Variants in RPA4 observed in about 807,000 individuals in gnomAD.
The protein encoded by RPA4 is replication protein A 30 kDa subunit.
For missense variants in RPA4, 229 were observed against 215.5 expected (o/e 1.06, Z -0.39); for synonymous variants, 88 against 84.4 (o/e 1.04, Z -0.23).
Position 96,884,069 on chromosome X carries a change from G to C in RPA4, c.-242G>C, listed in dbSNP as rs946299361. The C allele has an allele frequency of 2.8e-6, 1 of 355,105 alleles. No individual in the cohort carries two copies. Among genetic ancestry groups the C allele is most frequent in the Non-Finnish European group, 4.9e-6 (1 of 204,622 alleles). 29.3% of individuals were successfully genotyped at this position (355,105 alleles called of 1,213,427 possible). On this transcript the variant is annotated 5_prime_UTR_variant, in exon 1 of 1. Transcript: ENST00000373040. ...ACTGACACACAGGGAAGGATTATGCGATCAGGTGAGAAGGTGGCCGACCCT... is the reference window on the plus strand; with the variant it reads ...ACTGACACACAGGGAAGGATTATGCCATCAGGTGAGAAGGTGGCCGACCCT...
rs1051984229 is a variant in RPA4, at chrX:96,884,646, A to G, written c.336A>G (p.Lys112=). ...CCCGACAGTGGTTTGGTAGAGAGAA[A>G]GTCAAGCAGGTGACTCCATTGTCAG... The part of the protein sequence containing the change: ...IEARQWFGRE[K]VKQVTPLSVG... Residue 112 remains lysine (K), a synonymous_variant, in exon 1 of 1, where the codon AAA becomes AAG. Transcript: ENST00000373040. 1 of 1,210,703 alleles carries G rather than the reference A, an allele frequency of 8.3e-7. No homozygotes were observed. The highest frequency in any genetic ancestry group is 1.1e-6 in the Non-Finnish European group (1 of 895,084).
chrX:96,884,562 G>T lies in RPA4; in HGVS notation c.252G>T (p.Glu84Asp). The part of the protein sequence containing the change: ...VSIVGVIRGA[E>D]KASNHICYKI... The stretch of plus-strand genomic sequence containing the variant: ...TCGTGGGGGTAATCAGAGGGGCAGA[G>T]AAGGCTTCAAATCACATTTGTTACA... The change falls in exon 1 of 1, where the codon GAG becomes GAT. Residue 84 changes from glutamate to aspartate, a missense_variant. By Grantham distance (45) the Glu-to-Asp change is conservative. Transcript: ENST00000373040. 8.3e-7 allele frequency: 1 copy of T among 1,211,104 alleles called. No homozygotes were observed. Among genetic ancestry groups the T allele is most frequent in the Non-Finnish European group, 1.1e-6 (1 of 895,401 alleles).
In RPA4 at chrX:96,885,086, C is replaced by G; in HGVS notation, c.776C>G (p.Ser259Cys). The change falls in exon 1 of 1, where the codon TCT becomes TGT. Residue 259 changes from serine to cysteine, a missense_variant. Transcript: ENST00000373040. ...YPTVDREHFK[S>C]AD Reference sequence around the variant, plus strand: ...ACTGTGGATCGGGAGCATTTTAAGTCTGCTGATTGAGGCAGGGAAAACATC... The same window carrying G: ...ACTGTGGATCGGGAGCATTTTAAGTGTGCTGATTGAGGCAGGGAAAACATC... 8.3e-7 allele frequency: 1 copy of G among 1,204,361 alleles called. No individual in the cohort carries two copies. Among genetic ancestry groups the G allele is most frequent in the Non-Finnish European group, 1.1e-6 (1 of 890,278 alleles).
In RPA4 at chrX:96,884,824, C is replaced by T. The variant is rs938173282; in HGVS notation, c.514C>T (p.Arg172Cys). ...VNAHMMLDKA[R>C]RDTTVESVPV... is the part of the protein sequence containing the mutation. ...TGCACACATGATGCTGGATAAAGCC[C>T]GTCGTGATACCACTGTAGAAAGTGT... is the stretch of plus-strand genomic sequence containing the variant. The change falls in exon 1 of 1, where the codon CGT becomes TGT. Residue 172 changes from arginine to cysteine, a missense_variant. Coordinates refer to ENST00000373040, the MANE Select transcript of RPA4 (RefSeq NM_013347.4). 1.7e-6 allele frequency: 2 copies of T among 1,208,824 alleles called. No homozygotes were observed. The highest frequency in any genetic ancestry group is 3.0e-5 in the East Asian group (1 of 33,710).
At position 96,885,220 on chromosome X, in the gene RPA4, TC is replaced by T; in HGVS notation, c.*125del. ...ATCTCAAGTGGCATTCTTTGTCAACTCGCTGCTTTTCTAACTGCTTTGAACT... is the reference window on the plus strand; with the variant it reads ...ATCTCAAGTGGCATTCTTTGTCAACTGCTGCTTTTCTAACTGCTTTGAACT... On this transcript the variant is annotated 3_prime_UTR_variant, in exon 1 of 1. Coordinates refer to ENST00000373040, the MANE Select transcript of RPA4 (RefSeq NM_013347.4). 7.2e-6 allele frequency: 4 copies of T among 559,148 alleles called. No homozygotes were observed. The highest frequency in any genetic ancestry group is 1.1e-5 in the Non-Finnish European group (4 of 349,007). 46.1% of individuals were successfully genotyped at this position (559,148 alleles called of 1,213,427 possible). A position where few individuals can be genotyped will look rare whatever the true frequency, so the allele number is the denominator to read the frequency against.
chrX:96,884,197 C>CAGCTCGAAGCCTTCTGTGGAG lies in RPA4; in HGVS notation c.-91_-71dup, dbSNP rs750227098. The CAGCTCGAAGCCTTCTGTGGAG allele has an allele frequency of 5.4e-5, 31 of 578,625 alleles. No homozygotes were observed. The highest frequency in any genetic ancestry group is 1.4e-4 in the African/African-American group (6 of 42,932). 47.7% of individuals were successfully genotyped at this position (578,625 alleles called of 1,213,427 possible). ...CAGCATTCAATCGTAGCCTTTCGGA[C>CAGCTCGAAGCCTTCTGTGGAG]AGCTCGAAGCCTTCTGTGGAGAGCT... On this transcript the variant is annotated 5_prime_UTR_variant, in exon 1 of 1. Transcript: ENST00000373040.
Position 96,885,003 on chromosome X carries a change from C to T in RPA4, c.693C>T (p.Ser231=), listed in dbSNP as rs754961606. Residue 231 remains serine, a synonymous_variant, in exon 1 of 1, where the codon AGC becomes AGT. Transcript: ENST00000373040. ...TCCGGGCTCAGCTCTGCGACCTTAG[C>T]GTCAAGGCCATCAAGGAAGCGATTG... ...HELRAQLCDL[S]VKAIKEAIDY... The T allele has an allele frequency of 1.5e-5, 18 of 1,208,375 alleles. No homozygotes were observed. The South Asian group carries it at 2.8e-4, about 19-fold the overall frequency.
rs1057315833 is a variant in RPA4, at chrX:96,884,015, T to G, written c.-296T>G. The G allele has an allele frequency of 4.6e-5, 11 of 236,732 alleles. No individual in the cohort carries two copies. The highest frequency in any genetic ancestry group is 1.6e-4 in the South Asian group (1 of 6,074). The allele number at this position is 236,732 out of a possible 1,213,427, so 19.5% of individuals were successfully genotyped here. A position where few individuals can be genotyped will look rare whatever the true frequency, so the allele number is the denominator to read the frequency against. On this transcript the variant is annotated 5_prime_UTR_variant, in exon 1 of 1. Transcript: ENST00000373040. ...GACCAGCTAAGCAACAGGGCTCCCC[T>G]CGTGTGGGACTTTTAGAATGTAGCA... is the stretch of plus-strand genomic sequence containing the variant.
rs1293897101 is a variant in RPA4 at position 96,884,220 on chromosome X, GCTCGAAGCCTTCTGTGGAGAA to G, written c.-87_-67del. 5 of 754,322 alleles carry G rather than the reference GCTCGAAGCCTTCTGTGGAGAA, an allele frequency of 6.6e-6. No homozygotes were observed. In the East Asian group the frequency reaches 1.0e-4, roughly 15 times the overall value. 62.2% of individuals were successfully genotyped at this position (754,322 alleles called of 1,213,427 possible). A position where few individuals can be genotyped will look rare whatever the true frequency, so the allele number is the denominator to read the frequency against. On this transcript the variant is annotated 5_prime_UTR_variant, in exon 1 of 1. Transcript: ENST00000373040. ...GACAGCTCGAAGCCTTCTGTGGAGA[GCTCGAAGCCTTCTGTGGAGAA>G]CTCAAAGCCGTCCGTGGAGCCCCAG...
In RPA4 at chrX:96,884,557, G is replaced by A; in HGVS notation, c.247G>A (p.Ala83Thr). The A allele has an allele frequency of 8.3e-7, 1 of 1,210,906 alleles. No homozygotes were observed. The highest frequency in any genetic ancestry group is 1.7e-5 in the African/African-American group (1 of 57,593). Reference protein sequence around the residue: ...QVSIVGVIRGAEKASNHICYK... With the variant: ...QVSIVGVIRGTEKASNHICYK... ...CTCCATCGTGGGGGTAATCAGAGGG[G>A]CAGAGAAGGCTTCAAATCACATTTG... Residue 83 changes from alanine to threonine, a missense_variant, in exon 1 of 1, where the codon GCA becomes ACA. Physicochemically the swap from Ala to Thr is moderately conservative, Grantham distance 58. Coordinates refer to ENST00000373040, the MANE Select transcript of RPA4 (RefSeq NM_013347.4).
At position 96,884,528 on chromosome X, in the gene RPA4, A is replaced by G. The variant is rs2065244251; in HGVS notation, c.218A>G (p.Gln73Arg). The G allele has an allele frequency of 8.3e-7, 1 of 1,208,175 alleles. No homozygotes were observed. The highest frequency in any genetic ancestry group is 1.8e-5 in the South Asian group (1 of 56,672). ...AAGGTTAGGGGAATTATAGTTTCCCAGGTCTCCATCGTGGGGGTAATCAGA... is the reference window on the plus strand; with the variant it reads ...AAGGTTAGGGGAATTATAGTTTCCCGGGTCTCCATCGTGGGGGTAATCAGA... The part of the protein sequence containing the change: ...VFKVRGIIVS[Q>R]VSIVGVIRGA... Residue 73 changes from glutamine (Q) to arginine (R), a missense_variant, in exon 1 of 1, where the codon CAG (glutamine) becomes CGG (arginine). Physicochemically the swap from Gln to Arg is conservative, Grantham distance 43. Coordinates refer to ENST00000373040, the MANE Select transcript of RPA4 (RefSeq NM_013347.4).
At position 96,883,950 on chromosome X, in the gene RPA4, C is replaced by G. The variant is rs759937039; in HGVS notation, c.-361C>G. The G allele has an allele frequency of 7.5e-4, 111 of 148,328 alleles. No homozygotes were observed. The highest frequency in any genetic ancestry group is 3.3e-3 in the African/African-American group (107 of 32,074). 12.2% of individuals were successfully genotyped at this position (148,328 alleles called of 1,213,427 possible). On this transcript the variant is annotated 5_prime_UTR_variant, in exon 1 of 1. Coordinates refer to ENST00000373040, the MANE Select transcript of RPA4 (RefSeq NM_013347.4). ...TTATAGAGATGTTGGGAAAGGCTTG[C>G]TTGAAATTACACGTGGGACTTTTAA...
In RPA4 at chrX:96,884,181, A is replaced by G. The variant is rs17256465; in HGVS notation, c.-130A>G. 19,526 of 505,925 alleles carry G rather than the reference A, an allele frequency of 0.039. 366 individuals are homozygous for G. The highest frequency in any genetic ancestry group is 0.049 in the Non-Finnish European group (15,365 of 312,454). The allele number at this position is 505,925 out of a possible 1,213,427, so 41.7% of individuals were successfully genotyped here. A position where few individuals can be genotyped will look rare whatever the true frequency, so the allele number is the denominator to read the frequency against. On this transcript the variant is annotated 5_prime_UTR_variant, in exon 1 of 1. Transcript: ENST00000373040. ...CACGTCCTCAGCCTCCCAGCATTCA[A>G]TCGTAGCCTTTCGGACAGCTCGAAG...
rs1240380775 is a variant in RPA4 at position 96,884,697 on chromosome X, T to C, written c.387T>C (p.Gly129=). 5 of 1,208,427 alleles carry C rather than the reference T, an allele frequency of 4.1e-6. No homozygotes were observed. The highest frequency in any genetic ancestry group is 5.6e-6 in the Non-Finnish European group (5 of 894,821). The change falls in exon 1 of 1, where the codon GGT becomes GGC. Residue 129 remains glycine (G), a synonymous_variant. Transcript: ENST00000373040. ...TCGGAGTATATGTCAAAGTGTTTGG[T>C]ATCCTCAAATGTCCCACGGGAACAA... ...LSVGVYVKVF[G]ILKCPTGTKS...
rs907863772 is a variant in RPA4, at chrX:96,883,909, T to C, written c.-402T>C. ...AGCATTAAGAAATAAAGAGGGGGGCTAGTAAAAATGCATTTTTATAGAGAT... is the reference window on the plus strand; with the variant it reads ...AGCATTAAGAAATAAAGAGGGGGGCCAGTAAAAATGCATTTTTATAGAGAT... On this transcript the variant is annotated 5_prime_UTR_variant, in exon 1 of 1. Coordinates refer to ENST00000373040, the MANE Select transcript of RPA4 (RefSeq NM_013347.4). 7.7e-6 allele frequency: 1 copy of C among 129,561 alleles called. No homozygotes were observed. Among genetic ancestry groups the C allele is most frequent in the Non-Finnish European group, 1.5e-5 (1 of 65,568 alleles). 10.7% of individuals were successfully genotyped at this position (129,561 alleles called of 1,213,427 possible). A position where few individuals can be genotyped will look rare whatever the true frequency, so the allele number is the denominator to read the frequency against.
chrX:96,884,817 T>A lies in RPA4; in HGVS notation c.507T>A (p.Asp169Glu). Residue 169 changes from aspartate (D) to glutamate (E), a missense_variant, in exon 1 of 1, where the codon GAT becomes GAA. Physicochemically the swap from Asp to Glu is conservative, Grantham distance 45. Coordinates refer to ENST00000373040, the MANE Select transcript of RPA4 (RefSeq NM_013347.4). ...LETVNAHMMLDKARRDTTVES... is the reference protein window; with the variant it reads ...LETVNAHMMLEKARRDTTVES... ...CGGTCAATGCACACATGATGCTGGATAAAGCCCGTCGTGATACCACTGTAG... is the reference window on the plus strand; with the variant it reads ...CGGTCAATGCACACATGATGCTGGAAAAAGCCCGTCGTGATACCACTGTAG... 1 of 1,211,345 alleles carries A rather than the reference T, an allele frequency of 8.3e-7. No homozygotes were observed. Among genetic ancestry groups the A allele is most frequent in the Non-Finnish European group, 1.1e-6 (1 of 895,429 alleles).
chrX:96,885,151 A>G lies in RPA4; in HGVS notation c.*55A>G, dbSNP rs1324104178. 1.2e-5 allele frequency: 13 copies of G among 1,044,667 alleles called. No individual in the cohort carries two copies. Among genetic ancestry groups the G allele is most frequent in the Non-Finnish European group, 1.7e-5 (13 of 770,398 alleles). The allele number at this position is 1,044,667 out of a possible 1,213,427, so 86.1% of individuals were successfully genotyped here. ...AGACCCTTGCATCCAGCTGTGAGTA[A>G]TTTTGACCTGTTGACTTTTTAGGAA... On this transcript the variant is annotated 3_prime_UTR_variant, in exon 1 of 1. Transcript: ENST00000373040.
rs773964117 is a variant in RPA4, at chrX:96,884,765, A to G, written c.455A>G (p.Asn152Ser). The change falls in exon 1 of 1, where the codon AAC becomes AGC. Residue 152 changes from asparagine (N) to serine (S), a missense_variant. Asn to Ser is a conservative substitution (Grantham distance 46). Coordinates refer to ENST00000373040, the MANE Select transcript of RPA4 (RefSeq NM_013347.4). ...VLKIHVLEDM[N>S]EFTVHILETV... ...AAAATTCATGTCCTAGAGGACATGA[A>G]CGAGTTCACCGTGCATATTCTGGAA... The G allele has an allele frequency of 8.3e-7, 1 of 1,210,427 alleles. No individual in the cohort carries two copies. Among genetic ancestry groups the G allele is most frequent in the East Asian group, 3.0e-5 (1 of 33,770 alleles).
At position 96,884,635 on chromosome X, in the gene RPA4, G is replaced by C. The variant is rs761816138; in HGVS notation, c.325G>C (p.Gly109Arg). The change falls in exon 1 of 1, where the codon GGT becomes CGT. Residue 109 changes from glycine to arginine, a missense_variant. Gly to Arg is a moderately radical substitution (Grantham distance 125, BLOSUM62 -2). Coordinates refer to ENST00000373040, the MANE Select transcript of RPA4 (RefSeq NM_013347.4). ...AKPIEARQWF[G>R]REKVKQVTPL... ...ACCAATCGAGGCCCGACAGTGGTTT[G>C]GTAGAGAGAAAGTCAAGCAGGTGAC... 31 of 1,210,435 alleles carry C rather than the reference G, an allele frequency of 2.6e-5. No individual in the cohort carries two copies. The Admixed American group carries it at 6.8e-4, about 26-fold the overall frequency.
Sources: gnomAD v4.1 joint callset for allele counts on GRCh38, gnomAD v4.1.1 for gene constraint, MANE v1.5 for transcripts, NCBI Gene and HGNC (gene_info 2026-07-23, HGNC 2026-07-21) for gene names.